MYLK: variants seen among roughly 807,000 people sequenced by gnomAD.
The protein encoded by MYLK is myosin light chain kinase, smooth muscle.
MYLK carries 106 observed loss-of-function variants against 203.4 expected under a neutral mutation model. The observed-to-expected ratio is 0.52, with a 90% CI of 0.45 to 0.61. MYLK has a LOEUF of 0.61. Among genes scored for constraint, MYLK ranks in the 20% least tolerant of loss-of-function variants. The pLI is 0.00. For synonymous variants in MYLK, 867 were observed against 959.5 expected (o/e 0.90, Z 1.78); for missense variants, 2,072 against 2,442.3 (o/e 0.85, Z 3.20).
At chr3:123,750,496 C>T (rs974041324) in intron 5 of MYLK, among the ~76,000 whole-genome samples, 1 of 152,140 alleles carries the variant, frequency 6.6e-6, no homozygotes, top group Non-Finnish European at 1.5e-5. Flanking sequence ...GTTTTATATG[C>T]CTCCCCTGTA....
chr3:123,709,838 G>T lies in MYLK; in HGVS notation c.1860C>A (p.Pro620=), dbSNP rs2061620285. The change falls in exon 14 of 34, where the codon CCC becomes CCA. Residue 620 remains proline, a synonymous_variant. Coordinates refer to ENST00000360304, the MANE Select transcript of MYLK (RefSeq NM_053025.4). ...GGCCCTGCAGGAAGATGGGTGCAGT[G>T]GGCTTGCTGGGAGCCACAGGCAGAA... ...EYLLPVAPSK[P]TAPIFLQGLS... 6.2e-7 allele frequency: 1 copy of T among 1,614,078 alleles called. No homozygotes were observed. The highest frequency in any genetic ancestry group is 1.3e-5 in the African/African-American group (1 of 74,930).
At chr3:123,807,078 C>G (rs980997776) in intron 3 of MYLK, among the ~76,000 whole-genome samples, 1 of 152,158 alleles carries the variant, frequency 6.6e-6, no homozygotes, top group African/African-American at 2.4e-5. Context: ...GGAATCCAGT[C>G]CTTCTGAACT....
At position 123,620,313 on chromosome 3, in the gene MYLK, G is replaced by A; in HGVS notation, c.5262C>T (p.Ala1754=). The A allele has an allele frequency of 6.2e-7, 1 of 1,614,080 alleles. No individual in the cohort carries two copies. The highest frequency in any genetic ancestry group is 8.5e-7 in the Non-Finnish European group (1 of 1,180,018). The change falls in exon 32 of 34, where the codon GCC becomes GCT. Residue 1754 remains alanine (A), a synonymous_variant. Coordinates refer to ENST00000360304, the MANE Select transcript of MYLK (RefSeq NM_053025.4). ...TTGCCATAGAGGACAGTCTTCCAATGGCTCTCACAGCATTGCCCGTTTTCT... is the reference window on the plus strand; with the variant it reads ...TTGCCATAGAGGACAGTCTTCCAATAGCTCTCACAGCATTGCCCGTTTTCT... ...KWQKTGNAVR[A]IGRLSSMAMI... is the part of the protein sequence containing the mutation.
At chr3:123,622,775 G>A (rs2057939569) in intron 31 of MYLK, 1 of 152,214 alleles carries the variant, frequency 6.6e-6, no homozygotes, top group Non-Finnish European at 1.5e-5. Context: ...AACTAGAAAT[G>A]AATATATCAG....
At chr3:123,679,971 T>C (rs905015723) in intron 20 of MYLK, among the ~76,000 whole-genome samples, 2 of 152,130 alleles carry the variant, frequency 1.3e-5, no homozygotes, top group Admixed American at 6.5e-5. Flanking sequence ...GGTTTCCAGC[T>C]TGACTGCACA....
At chr3:123,809,534 AAAAC>A (rs917039265) in intron 3 of MYLK, among the ~76,000 whole-genome samples, 7 of 152,146 alleles carry the variant, frequency 4.6e-5, no homozygotes, top group African/African-American at 1.2e-4. Context: ...CTAAAAAACA[AAAAC>A]AAACAAACAA....
chr3:123,632,830 G>A (rs973369644), intron 29 of MYLK, among the ~76,000 whole-genome samples: 12 of 142,450 alleles, frequency 8.4e-5, no homozygotes, highest in South Asian at 2.2e-4. Flanking sequence ...TTTGAGATGC[G>A]GTCTTGTTCT....
At position 123,682,222 on chromosome 3, in the gene MYLK, ACT is replaced by A. The variant is rs1553795301; in HGVS notation, c.3652_3652+1del. On this transcript the variant is annotated splice_donor_variant and coding_sequence_variant, in exon 20 of 34. Coordinates refer to ENST00000360304, the MANE Select transcript of MYLK (RefSeq NM_053025.4). LOFTEE classifies it high-confidence loss of function. ...GCCTGGTGAAGCTGGGCGAGTACTC[ACT>A]CTCAGTTCCTAGCACGGGAGGAAGA... 1 of 1,596,168 alleles carries A rather than the reference ACT, an allele frequency of 6.3e-7. No homozygotes were observed. The highest frequency in any genetic ancestry group is 8.5e-7 in the Non-Finnish European group (1 of 1,171,248).
intron 5 of MYLK, among the ~76,000 whole-genome samples, chr3:123,747,265 A>C (rs2063047749): frequency 6.6e-6 from 1 of 152,102 alleles, no homozygotes; most frequent in Non-Finnish European, 1.5e-5. Flanking sequence ...ACAGGGGGTC[A>C]TTCTCCCTTC....
At position 123,699,939 on chromosome 3, in the gene MYLK, G is replaced by T. The variant is rs371872092; in HGVS notation, c.3448+81C>A. ...GCCTACCTATGGGCTGCTAACAGGG[G>T]TCAGCGAGACCAACGCTCCATGAGC... On this transcript the variant is annotated intron_variant, in intron 18 of 33. Transcript: ENST00000360304. The T allele has an allele frequency of 4.6e-5, 73 of 1,593,532 alleles. No homozygotes were observed. The African/African-American group carries it at 8.6e-4, about 19-fold the overall frequency.
intron 2 of MYLK, among the ~76,000 whole-genome samples, chr3:123,862,863 C>T (rs553029660): frequency 1.0e-3 from 153 of 152,322 alleles, no homozygotes; most frequent in African/African-American, 3.5e-3. Flanking sequence ...TGTGCCCACT[C>T]AGGTATCCCA....
intron 23 of MYLK, among the ~76,000 whole-genome samples, chr3:123,657,842 T>C (rs1177640636): frequency 6.6e-6 from 1 of 152,236 alleles, no homozygotes; most frequent in East Asian, 1.9e-4. Context: ...CTTCAGGCCC[T>C]TGGCCAATGA....
chr3:123,876,948 A>C (rs934568199), intron 1 of MYLK, among the ~76,000 whole-genome samples: 52 of 152,246 alleles, frequency 3.4e-4, no homozygotes, highest in African/African-American at 1.2e-3. Flanking sequence ...ATAATTTATG[A>C]CTTGTCTCTG....
chr3:123,614,250 A>G lies in MYLK; in HGVS notation c.5600T>C (p.Leu1867Ser), dbSNP rs752897933. ...ATCCCCGCAAACATCACTAATAATT[A>G]AAGAGCAGTTCCCGTCCTCATCGTA... ...IDYDEDGNCS[L>S]IISDVCGDDD... The change falls in exon 34 of 34, where the codon TTA becomes TCA. Residue 1867 changes from leucine to serine, a missense_variant. This residue lies in a region of MYLK where 524 missense variants were observed against 782.4 expected (regional missense o/e 0.67). Transcript: ENST00000360304. The G allele has an allele frequency of 6.2e-7, 1 of 1,614,084 alleles. No individual in the cohort carries two copies. The highest frequency in any genetic ancestry group is 1.1e-5 in the South Asian group (1 of 91,082).
At chr3:123,783,970 T>C (rs1413306155) in intron 4 of MYLK, among the ~76,000 whole-genome samples, 2 of 152,224 alleles carry the variant, frequency 1.3e-5, no homozygotes, top group Non-Finnish European at 1.5e-5. Flanking sequence ...CTCCAATGCC[T>C]ACAGAGGCTG....
intron 11 of MYLK, among the ~76,000 whole-genome samples, chr3:123,728,573 C>CCAAACAA (rs1267586854): frequency 2.7e-5 from 4 of 149,052 alleles, no homozygotes; most frequent in Non-Finnish European, 5.9e-5. Context: ...CTCCACCCTC[C>CCAAACAA]CAAACAACAA....
At chr3:123,825,400 T>A (rs1223436407) in intron 3 of MYLK, among the ~76,000 whole-genome samples, 1 of 152,188 alleles carries the variant, frequency 6.6e-6, no homozygotes, top group Admixed American at 6.5e-5. Context: ...CAGGAGAGAC[T>A]TCTTGTTGCA....
rs1265030829 is a variant in MYLK at position 123,735,389 on chromosome 3, T to C, written c.773+9A>G. 6.2e-7 allele frequency: 1 copy of C among 1,614,058 alleles called. No homozygotes were observed. The highest frequency in any genetic ancestry group is 8.5e-7 in the Non-Finnish European group (1 of 1,179,966). On this transcript the variant is annotated intron_variant, in intron 9 of 33. Coordinates refer to ENST00000360304, the MANE Select transcript of MYLK (RefSeq NM_053025.4). ...GGGAAAACGTAAAAGTCACAAAGCCTAGACATACCTATTGGCACTGTCCAA... is the reference window on the plus strand; with the variant it reads ...GGGAAAACGTAAAAGTCACAAAGCCCAGACATACCTATTGGCACTGTCCAA...
chr3:123,776,839 T>A (rs1043372886), intron 4 of MYLK, among the ~76,000 whole-genome samples: 16 of 152,182 alleles, frequency 1.1e-4, no homozygotes, highest in Admixed American at 8.5e-4. Flanking sequence ...AAGGATGGGA[T>A]TGAATTAAAA....
Sources: gnomAD v4.1 joint callset for allele counts (sites outside exome capture counted in the v4.1 genomes callset) on GRCh38, gnomAD v4.1.1 for gene constraint, gnomAD v4.1.1 regional missense constraint, MANE v1.5 for transcripts, NCBI Gene and HGNC (gene_info 2026-07-23, HGNC 2026-07-21) for gene names.